EYS: variants seen among roughly 807,000 people sequenced by gnomAD.
EYS encodes the protein protein eyes shut homolog.
A neutral mutation model predicts 282.1 loss-of-function variants in EYS; 250 were observed. That is an observed-to-expected ratio of 0.89 (90% CI 0.80 to 0.98). EYS has a LOEUF of 0.98. Among genes scored for constraint, EYS ranks in the 50% least tolerant of loss-of-function variants. EYS has a pLI of 0.00. For missense variants in EYS, 4,016 were observed against 3,709.0 expected, an observed-to-expected ratio of 1.08 and a Z score of -2.15; for synonymous variants, 1,355 against 1,282.9, an observed-to-expected ratio of 1.06 and a Z score of -1.20.
chr6:65,414,194 C>T (rs959827997), intron 5 of EYS, among the ~76,000 whole-genome samples: 4 of 152,054 alleles, frequency 2.6e-5, no homozygotes, highest in South Asian at 2.1e-4. Context: ...AGAAACAGAA[C>T]GAAAGCTAAG....
intron 14 of EYS, among the ~76,000 whole-genome samples, chr6:64,965,894 T>C (rs1287340015): frequency 6.6e-6 from 1 of 152,160 alleles, no homozygotes; most frequent in African/African-American, 2.4e-5. Context: ...GTTCTGTCTT[T>C]TTTAAAAGGC....
chr6:65,406,523 A>G (rs1053035548), intron 5 of EYS, among the ~76,000 whole-genome samples: 1 of 152,096 alleles, frequency 6.6e-6, no homozygotes, highest in Non-Finnish European at 1.5e-5. Context: ...GGTCATGAAG[A>G]CATTTTAATA....
At chr6:64,948,143 A>T (rs975916378) in intron 14 of EYS, among the ~76,000 whole-genome samples, 1 of 151,794 alleles carries the variant, frequency 6.6e-6, no homozygotes, top group African/African-American at 2.4e-5. Flanking sequence ...GATATGATGA[A>T]CTATATACAA....
At chr6:63,810,269 A>C (rs983089318) in intron 36 of EYS, among the ~76,000 whole-genome samples, 1 of 151,218 alleles carries the variant, frequency 6.6e-6, no homozygotes, top group Non-Finnish European at 1.5e-5. Flanking sequence ...TCAAAAAAAA[A>C]AAAAAAACAA....
intron 1 of EYS, among the ~76,000 whole-genome samples, chr6:65,644,905 G>A (rs898668745): frequency 1.3e-5 from 2 of 152,164 alleles, no homozygotes; most frequent in East Asian, 1.9e-4. Context: ...TACAAGAACC[G>A]CTAAAAGGAG....
Position 65,583,979 on chromosome 6 carries a change from AT to A in EYS, c.-333+55798del, listed in dbSNP as rs1273571675. On this transcript the variant is annotated intron_variant, in intron 2 of 42. Transcript: ENST00000503581. ...ATATTACTTAAAATAAAAAAAAAAA[AT>A]TTCAGACTACAGAAAATTAAAGCAG... Among the ~76,000 whole-genome samples the A allele has an allele frequency of 2.7e-5, 4 of 148,266 alleles. No homozygotes were observed. In the East Asian group the frequency reaches 6.0e-4, roughly 22 times the overall value.
chr6:64,749,509 G>A (rs1481885010), intron 22 of EYS, among the ~76,000 whole-genome samples: 1 of 152,108 alleles, frequency 6.6e-6, no homozygotes, highest in Non-Finnish European at 1.5e-5. Flanking sequence ...GTCAAATACT[G>A]CAAAGTATAG....
At chr6:64,144,693 C>T (rs1419770537) in intron 31 of EYS, among the ~76,000 whole-genome samples, 2 of 152,180 alleles carry the variant, frequency 1.3e-5, no homozygotes, top group Admixed American at 6.6e-5. Flanking sequence ...TGTTATCATC[C>T]TGGGTCCTCA....
At chr6:63,790,473 A>G (rs1770481329) in intron 37 of EYS, among the ~76,000 whole-genome samples, 1 of 152,216 alleles carries the variant, frequency 6.6e-6, no homozygotes, top group Admixed American at 6.5e-5. Context: ...ATATACAGTC[A>G]TGGTTAAGAG....
intron 12 of EYS, among the ~76,000 whole-genome samples, chr6:65,090,524 C>T (rs1329651477): frequency 2.0e-5 from 3 of 152,116 alleles, no homozygotes; most frequent in African/African-American, 4.8e-5. Flanking sequence ...TAGAAATATA[C>T]TGGATTTGAC....
intron 2 of EYS, among the ~76,000 whole-genome samples, chr6:65,608,123 T>C (rs1765865771): frequency 6.6e-6 from 1 of 151,982 alleles, no homozygotes. Context: ...GGCAATTTTG[T>C]TATTGTGTGA....
intron 29 of EYS, among the ~76,000 whole-genome samples, chr6:64,343,616 A>G (rs1771229824): frequency 6.6e-6 from 1 of 152,170 alleles, no homozygotes; most frequent in Admixed American, 6.5e-5. Flanking sequence ...GAAAGATCTA[A>G]AATGGACACC....
chr6:65,572,552 G>C (rs1019843941), intron 2 of EYS, among the ~76,000 whole-genome samples: 1 of 152,054 alleles, frequency 6.6e-6, no homozygotes, highest in African/African-American at 2.4e-5. Context: ...CAGGGGAAAT[G>C]AAATTAAAAT....
intron 11 of EYS, among the ~76,000 whole-genome samples, chr6:65,318,258 T>C (rs942200561): frequency 6.6e-5 from 10 of 151,078 alleles, no homozygotes; most frequent in African/African-American, 2.4e-4. Context: ...CCCTTCTCAC[T>C]CCTCTTTTCC....
At chr6:65,593,612 G>C (rs939352253) in intron 2 of EYS, among the ~76,000 whole-genome samples, 1 of 151,906 alleles carries the variant, frequency 6.6e-6, no homozygotes, top group Non-Finnish European at 1.5e-5. Context: ...CTACTCTTAA[G>C]AGGTAAGAAA....
intron 35 of EYS, among the ~76,000 whole-genome samples, chr6:63,947,578 C>A (rs1162897169): frequency 6.6e-6 from 1 of 151,818 alleles, no homozygotes; most frequent in African/African-American, 2.4e-5. Context: ...TTTGTGAATC[C>A]CGCCCCAACA....
intron 40 of EYS, among the ~76,000 whole-genome samples, chr6:63,772,911 G>T (rs1438926925): frequency 2.6e-5 from 4 of 151,774 alleles, no homozygotes; most frequent in Non-Finnish European, 5.9e-5. Context: ...ATTTGTATGT[G>T]TATCTATATT....
At chr6:63,771,958 T>G (rs1487922911) in intron 40 of EYS, among the ~76,000 whole-genome samples, 1 of 152,172 alleles carries the variant, frequency 6.6e-6, no homozygotes, top group African/African-American at 2.4e-5. Flanking sequence ...TTAACATTCT[T>G]GCTTTTAGGC....
intron 12 of EYS, among the ~76,000 whole-genome samples, chr6:65,114,167 A>AT (rs1310226900): frequency 6.6e-6 from 1 of 152,036 alleles, no homozygotes; most frequent in Non-Finnish European, 1.5e-5. Flanking sequence ...GTATCAAAAA[A>AT]GTTACTCACT....
Sources: allele counts gnomAD v4.1 joint callset (sites outside exome capture counted in the v4.1 genomes callset), GRCh38; gene constraint gnomAD v4.1.1; transcripts MANE v1.5; gene names NCBI Gene and HGNC (gene_info 2026-07-23, HGNC 2026-07-21).